Variants in KDM5B observed in about 807,000 individuals in gnomAD.
KDM5B encodes lysine-specific demethylase 5B.
KDM5B carries 144 observed loss-of-function variants against 193.4 expected under a neutral mutation model. That is an observed-to-expected ratio of 0.74 (90% confidence interval 0.65 to 0.86). The LOEUF (loss-of-function observed/expected upper bound fraction) is 0.86. Among genes scored for constraint, KDM5B ranks in the 40% least tolerant of loss-of-function variants. The pLI, the probability that KDM5B is intolerant of heterozygous loss-of-function variation, is 0.00. For synonymous variants in KDM5B, 668 were observed against 682.6 expected (o/e 0.98, Z 0.33); for missense variants, 1,833 against 1,886.9 (o/e 0.97, Z 0.53).
intron 5 of KDM5B, chr1:202,766,516 AAAAG>A: frequency 6.8e-6 from 3 of 438,222 alleles, no homozygotes; most frequent in East Asian, 7.2e-5. Flanking sequence ...TAAAAAAAAA[AAAAG>A]AAGTCTGAGA....
chr1:202,761,090 G>A (rs1347042289), intron 7 of KDM5B, among the ~76,000 whole-genome samples: 1 of 151,516 alleles, frequency 6.6e-6, no homozygotes, highest in African/African-American at 2.4e-5. Flanking sequence ...ATTTATGAAG[G>A]AAAAATACAA....
At position 202,773,226 on chromosome 1, in the gene KDM5B, A is replaced by G. The variant is rs1162212375; in HGVS notation, c.468T>C (p.Ala156=). ...VCKDRKWTKI[A]TKMGFAPGKA... is the part of the protein sequence containing the mutation. ...TGCCAGGAGCAAACCCCATCTTGGT[A>G]GCAATTTTGGTCCATTTTCTATCCT... The change falls in exon 4 of 27, where the codon GCT becomes GCC. Residue 156 remains alanine (A), a synonymous_variant. Coordinates refer to ENST00000367265, the MANE Select transcript of KDM5B (RefSeq NM_006618.5). The G allele has an allele frequency of 3.7e-6, 6 of 1,614,158 alleles. No individual in the cohort carries two copies. Among genetic ancestry groups the G allele is most frequent in the Non-Finnish European group, 5.1e-6 (6 of 1,179,984 alleles).
chr1:202,738,684 C>T (rs577278790), intron 20 of KDM5B, among the ~76,000 whole-genome samples: 3 of 152,168 alleles, frequency 2.0e-5, no homozygotes, highest in South Asian at 2.1e-4. Context: ...CAAAATAGAA[C>T]TTGAGACTTT....
At chr1:202,765,567 G>T (rs1486325733) in intron 5 of KDM5B, among the ~76,000 whole-genome samples, 5 of 152,182 alleles carry the variant, frequency 3.3e-5, no homozygotes, top group Non-Finnish European at 4.4e-5. Flanking sequence ...ATATGCTCAA[G>T]AAAGAACTGA....
intron 1 of KDM5B, among the ~76,000 whole-genome samples, chr1:202,795,129 G>A (rs1410299149): frequency 6.6e-6 from 1 of 151,772 alleles, no homozygotes; most frequent in African/African-American, 2.4e-5. Context: ...CATGAGAATC[G>A]CTTGAGCCCA....
intron 5 of KDM5B, 129 bp downstream of exon 5, chr1:202,766,797 G>T: frequency 9.9e-7 from 1 of 1,005,172 alleles, no homozygotes; most frequent in Non-Finnish European, 1.4e-6. Flanking sequence ...AATACAAACA[G>T]CATCCCTTTG....
At chr1:202,807,771 A>G (rs912161803) in intron 1 of KDM5B, among the ~76,000 whole-genome samples, 1 of 147,606 alleles carries the variant, frequency 6.8e-6, no homozygotes. Context: ...CCGTGAGGAA[A>G]CTCCCCCGCG....
In KDM5B at chr1:202,774,749, AAT is replaced by A. The variant is rs757079937; in HGVS notation, c.283-16_283-15del. 50 of 1,610,704 alleles carry A rather than the reference AAT, an allele frequency of 3.1e-5. No homozygotes were observed. The Middle Eastern group carries it at 1.3e-3, about 43-fold the overall frequency. On this transcript the variant is annotated splice_polypyrimidine_tract_variant and intron_variant, in intron 2 of 26. Coordinates refer to ENST00000367265, the MANE Select transcript of KDM5B (RefSeq NM_006618.5). ...ACGAGTTTGGGCCTAAAAGACAAAG[AAT>A]TGAGTTTTCATCTCATTTAGCTTAT... is the stretch of plus-strand genomic sequence containing the variant.
chr1:202,800,721 C>T (rs1658038271), intron 1 of KDM5B, among the ~76,000 whole-genome samples: 1 of 152,126 alleles, frequency 6.6e-6, no homozygotes, highest in Admixed American at 6.5e-5. Flanking sequence ...CCAGAAGGCC[C>T]CTTCCTAAGA....
At chr1:202,734,223 C>T (rs1655009121) in intron 22 of KDM5B, among the ~76,000 whole-genome samples, 1 of 151,016 alleles carries the variant, frequency 6.6e-6, no homozygotes, top group African/African-American at 2.4e-5. Context: ...CACATCTATC[C>T]CCTTTCAGAT....
chr1:202,786,612 C>T (rs958282303), intron 1 of KDM5B, among the ~76,000 whole-genome samples: 1 of 152,174 alleles, frequency 6.6e-6, no homozygotes, highest in African/African-American at 2.4e-5. Context: ...TTGCACCAAC[C>T]TAATACCATG....
intron 13 of KDM5B, among the ~76,000 whole-genome samples, chr1:202,749,384 CATCTCTACAAACAAATA>C (rs2102249086): frequency 6.6e-6 from 1 of 152,196 alleles, no homozygotes; most frequent in African/African-American, 2.4e-5. Flanking sequence ...GGTGAAATCC[CATCTCTACAAACAAATA>C]TAAACATTAG....
At chr1:202,804,895 A>G (rs1658230512) in intron 1 of KDM5B, among the ~76,000 whole-genome samples, 2 of 151,680 alleles carry the variant, frequency 1.3e-5, no homozygotes, top group South Asian at 2.1e-4. Context: ...AATTTGTGGA[A>G]TCTATCTATG....
chr1:202,764,941 T>C (rs976068252), intron 5 of KDM5B, among the ~76,000 whole-genome samples: 6 of 152,042 alleles, frequency 3.9e-5, no homozygotes, highest in Non-Finnish European at 8.8e-5. Flanking sequence ...CACACCACTA[T>C]ACTCCAGCCT....
At chr1:202,735,665 C>T in intron 21 of KDM5B, 78 bp from the exon 22 acceptor site, 4 of 1,348,356 alleles carry the variant, frequency 3.0e-6, no homozygotes, top group Non-Finnish European at 4.2e-6. Context: ...AAAATAAAAG[C>T]CTAAGCAGTA....
intron 2 of KDM5B, among the ~76,000 whole-genome samples, chr1:202,775,064 A>AC (rs11337396): frequency 1.5e-4 from 23 of 150,726 alleles, no homozygotes; most frequent in South Asian, 1.5e-3. Flanking sequence ...ACATGATGAA[A>AC]CCCCCCATCT....
intron 3 of KDM5B, among the ~76,000 whole-genome samples, chr1:202,773,845 T>A (rs1012182339): frequency 1.3e-5 from 2 of 151,946 alleles, no homozygotes; most frequent in African/African-American, 4.8e-5. Context: ...TCAGGCGATT[T>A]TCCTGCCTCA....
At chr1:202,757,653 ACTAATAG>A (rs1473004391) in intron 9 of KDM5B, among the ~76,000 whole-genome samples, 1 of 152,230 alleles carries the variant, frequency 6.6e-6, no homozygotes, top group African/African-American at 2.4e-5. Flanking sequence ...ATTTTAAGTA[ACTAATAG>A]CTGATGTTAG....
intron 5 of KDM5B, among the ~76,000 whole-genome samples, chr1:202,766,225 G>A (rs960130904): frequency 2.0e-5 from 3 of 151,936 alleles, no homozygotes; most frequent in Admixed American, 1.3e-4. Flanking sequence ...AAAGGAAGAG[G>A]CTGGGTGAGA....
Sources: gnomAD v4.1 joint callset for allele counts (sites outside exome capture counted in the v4.1 genomes callset) on GRCh38, gnomAD v4.1.1 for gene constraint, MANE v1.5 for transcripts, NCBI Gene and HGNC (gene_info 2026-07-23, HGNC 2026-07-21) for gene names.